GRM8: variants seen among roughly 807,000 people sequenced by gnomAD.
The protein encoded by GRM8 is metabotropic glutamate receptor 8.
In GRM8, 47 loss-of-function variants were observed where a neutral mutation model predicts 87.2. The ratio of observed to expected loss-of-function variants is 0.54; its 90% CI spans 0.43 to 0.69. The LOEUF (loss-of-function observed/expected upper bound fraction) is 0.69, where lower values mean the gene tolerates loss of function less well. Among genes scored for constraint, GRM8 ranks in the 30% least tolerant of loss-of-function variants. The pLI is 0.00. For missense variants in GRM8, 1,019 were observed against 1,139.2 expected, an observed-to-expected ratio of 0.89 and a Z score of 1.52; for synonymous variants, 396 against 404.5, an observed-to-expected ratio of 0.98 and a Z score of 0.25.
chr7:126,567,288 T>C (rs2150975704), intron 8 of GRM8, among the ~76,000 whole-genome samples: 1 of 151,962 alleles, frequency 6.6e-6, no homozygotes, highest in South Asian at 2.1e-4. Flanking sequence ...ACCATCATTC[T>C]CAGCAAACTA....
At chr7:126,720,185 G>C (rs1198033547) in intron 7 of GRM8, among the ~76,000 whole-genome samples, 6 of 144,540 alleles carry the variant, frequency 4.2e-5, no homozygotes, top group Admixed American at 7.0e-5. Flanking sequence ...ATCTGGCTCT[G>C]TCACCCAGAC....
intron 3 of GRM8, among the ~76,000 whole-genome samples, chr7:127,009,376 AGACGC>A: frequency 6.6e-6 from 1 of 152,156 alleles, no homozygotes; most frequent in Non-Finnish European, 1.5e-5. Context: ...TTGTTCCATA[AGACGC>A]TAAAGTGTTA....
chr7:126,948,917 T>G (rs185113147), intron 3 of GRM8, among the ~76,000 whole-genome samples: 11 of 152,306 alleles, frequency 7.2e-5, no homozygotes, highest in Admixed American at 6.5e-4. Flanking sequence ...TGAGTGTGGT[T>G]GAGTGACACT....
Position 127,243,278 on chromosome 7 carries a change from G to C in GRM8, c.-74C>G. ...CACAGAAGAAAGGGCACCACCTGAG[G>C]CTGCACCTTCTGGAGGCTACCATCA... On this transcript the variant is annotated 5_prime_UTR_variant, in exon 2 of 11. Transcript: ENST00000339582. 4.4e-6 allele frequency: 6 copies of C among 1,369,770 alleles called. No individual in the cohort carries two copies. Among genetic ancestry groups the C allele is most frequent in the South Asian group, 1.3e-5 (1 of 74,100 alleles). 84.9% of individuals were successfully genotyped at this position (1,369,770 alleles called of 1,614,324 possible).
At chr7:126,688,629 AG>A (rs748702191) in intron 7 of GRM8, among the ~76,000 whole-genome samples, 2 of 152,154 alleles carry the variant, frequency 1.3e-5, no homozygotes, top group African/African-American at 2.4e-5. Context: ...AAAAAATACC[AG>A]AAGTTTGGCA....
At chr7:127,195,730 G>A (rs574956957) in intron 2 of GRM8, among the ~76,000 whole-genome samples, 16 of 152,180 alleles carry the variant, frequency 1.1e-4, no homozygotes, top group African/African-American at 3.9e-4. Flanking sequence ...CCAGAAAAAT[G>A]AGGTGCTCTT....
chr7:126,734,199 C>T (rs568853909), intron 7 of GRM8, among the ~76,000 whole-genome samples: 1 of 151,852 alleles, frequency 6.6e-6, no homozygotes, highest in South Asian at 2.1e-4. Context: ...ACATTGCTCC[C>T]CTGTACAGAT....
At chr7:126,460,198 G>A (rs1462271672) in intron 9 of GRM8, among the ~76,000 whole-genome samples, 1 of 151,460 alleles carries the variant, frequency 6.6e-6, no homozygotes, top group Non-Finnish European at 1.5e-5. Flanking sequence ...GGTCTGCTTG[G>A]ATACTAGCTA....
intron 3 of GRM8, among the ~76,000 whole-genome samples, chr7:126,962,266 T>A (rs866729763): frequency 6.6e-6 from 1 of 152,222 alleles, no homozygotes; most frequent in Non-Finnish European, 1.5e-5. Context: ...TTAAGTGACT[T>A]GGCCAAAGTC....
intron 3 of GRM8, among the ~76,000 whole-genome samples, chr7:126,948,090 G>C (rs978135976): frequency 6.6e-6 from 1 of 152,132 alleles, no homozygotes; most frequent in African/African-American, 2.4e-5. Flanking sequence ...AGGCGCTAGG[G>C]ATGCACAGTT....
intron 6 of GRM8, among the ~76,000 whole-genome samples, chr7:126,829,083 C>T (rs1224007642): frequency 6.6e-6 from 1 of 151,834 alleles, no homozygotes; most frequent in Non-Finnish European, 1.5e-5. Context: ...GTTATAATTT[C>T]TGTTCTTTTA....
intron 7 of GRM8, among the ~76,000 whole-genome samples, chr7:126,613,738 C>T (rs6961313): frequency 0.012 from 1,830 of 152,344 alleles, 35 homozygotes; most frequent in African/African-American, 0.041. Context: ...ATATCCCACA[C>T]CTGGCTCAGA....
intron 2 of GRM8, among the ~76,000 whole-genome samples, chr7:127,118,030 A>T (rs898386466): frequency 6.6e-6 from 1 of 152,240 alleles, no homozygotes; most frequent in Admixed American, 6.5e-5. Context: ...ATTTTTAGTG[A>T]TTATCCGCAT....
intron 6 of GRM8, among the ~76,000 whole-genome samples, chr7:126,785,395 C>G (rs1563185389): frequency 3.3e-5 from 5 of 152,064 alleles, no homozygotes. Flanking sequence ...CCAATGCTAC[C>G]TAGGCAGACA....
At chr7:127,037,129 A>G (rs1817919324) in intron 3 of GRM8, among the ~76,000 whole-genome samples, 2 of 152,226 alleles carry the variant, frequency 1.3e-5, no homozygotes, top group Admixed American at 1.3e-4. Flanking sequence ...ATCATTTTAC[A>G]TGATGGTGAA....
chr7:126,915,991 C>T (rs1420376105), intron 3 of GRM8, among the ~76,000 whole-genome samples: 1 of 152,038 alleles, frequency 6.6e-6, no homozygotes, highest in Non-Finnish European at 1.5e-5. Context: ...TTTGTTTTTG[C>T]CATTTCAAAT....
intron 1 of GRM8, among the ~76,000 whole-genome samples, chr7:127,246,785 C>T (rs1219682027): frequency 1.3e-5 from 2 of 152,226 alleles, no homozygotes; most frequent in East Asian, 1.9e-4. Context: ...TTATTTTCTA[C>T]ACACCTTCTC....
chr7:126,467,536 A>G (rs1804643438), intron 9 of GRM8, among the ~76,000 whole-genome samples: 1 of 152,016 alleles, frequency 6.6e-6, no homozygotes, highest in East Asian at 1.9e-4. Flanking sequence ...TTGTGACAGT[A>G]TTTTAATTCT....
intron 3 of GRM8, among the ~76,000 whole-genome samples, chr7:126,919,048 A>C (rs1804219936): frequency 6.6e-6 from 1 of 152,178 alleles, no homozygotes; most frequent in African/African-American, 2.4e-5. Context: ...ATAACATGTA[A>C]ATATCTACAA....
Sources: gnomAD v4.1 joint callset for allele counts (sites outside exome capture counted in the v4.1 genomes callset) on GRCh38, gnomAD v4.1.1 for gene constraint, MANE v1.5 for transcripts, NCBI Gene and HGNC (gene_info 2026-07-23, HGNC 2026-07-21) for gene names.